CECR2: variants seen among roughly 807,000 people sequenced by gnomAD.
CECR2 encodes chromatin remodeling regulator CECR2.
CECR2 carries 30 observed loss-of-function variants against 154.5 expected under a neutral mutation model. The ratio of observed to expected loss-of-function variants is 0.19; its 90% CI spans 0.15 to 0.26. The LOEUF (loss-of-function observed/expected upper bound fraction) is 0.26. Among genes scored for constraint, CECR2 ranks in the 10% least tolerant of loss-of-function variants. CECR2 has a pLI of 1.00. For synonymous variants in CECR2, 725 were observed against 683.7 expected, an observed-to-expected ratio of 1.06 and a Z score of -0.94; for missense variants, 1,743 against 1,829.3, an observed-to-expected ratio of 0.95 and a Z score of 0.86.
chr22:17,440,777 C>G (rs1280438557), intron 1 of CECR2, among the ~76,000 whole-genome samples: 2 of 152,158 alleles, frequency 1.3e-5, no homozygotes, highest in East Asian at 3.8e-4. Flanking sequence ...CCCCTCCACT[C>G]CTTTCTCAAC....
At chr22:17,462,942 A>G (rs1265930953) in intron 1 of CECR2, among the ~76,000 whole-genome samples, 1 of 152,224 alleles carries the variant, frequency 6.6e-6, no homozygotes, top group East Asian at 1.9e-4. Context: ...CACTGTGGGC[A>G]AATACAATTT....
At chr22:17,524,443 A>C in intron 9 of CECR2, 172 bp downstream of exon 9, 1 of 697,572 alleles carries the variant, frequency 1.4e-6, no homozygotes. Context: ...CCCAGGCTGG[A>C]GTGCAGTGGC....
chr22:17,383,587 G>GAA (rs1468988125), intron 1 of CECR2, among the ~76,000 whole-genome samples: 2 of 143,874 alleles, frequency 1.4e-5, no homozygotes, highest in Non-Finnish European at 3.0e-5. Context: ...AAAAAGAAAA[G>GAA]AAAAGAAAAA....
At position 17,549,267 on chromosome 22, in the gene CECR2, C is replaced by T. The variant is rs1171958252; in HGVS notation, c.3980C>T (p.Ser1327Leu). Reference sequence around the variant, plus strand: ...TATGGAACTCCTCCGCCTCTGAGTTCAGGAATGGGATTTGGTTCATCTGCA... The same window carrying T: ...TATGGAACTCCTCCGCCTCTGAGTTTAGGAATGGGATTTGGTTCATCTGCA... ...YLYGTPPPLSSGMGFGSSAFP... is the reference protein window; with the variant it reads ...YLYGTPPPLSLGMGFGSSAFP... The change falls in exon 17 of 19, where the codon TCA becomes TTA. Residue 1327 changes from serine to leucine, a missense_variant. Around this residue, in one of 4 missense-constraint regions of CECR2, gnomAD observed 1,250 missense variants for 1,192.1 expected, o/e 1.05. Coordinates refer to ENST00000262608, the MANE Select transcript of CECR2 (RefSeq NM_001290047.2). 6.2e-7 allele frequency: 1 copy of T among 1,613,994 alleles called. No homozygotes were observed. Among genetic ancestry groups the T allele is most frequent in the Admixed American group, 1.7e-5 (1 of 60,022 alleles).
intron 9 of CECR2, among the ~76,000 whole-genome samples, chr22:17,535,729 CG>C (rs1234583934): frequency 7.2e-6 from 1 of 139,482 alleles, no homozygotes; most frequent in Non-Finnish European, 1.6e-5. Flanking sequence ...TCTTAGAAGT[CG>C]AAAAAAAAAA....
At chr22:17,412,721 T>C (rs1254368531) in intron 1 of CECR2, among the ~76,000 whole-genome samples, 1 of 152,158 alleles carries the variant, frequency 6.6e-6, no homozygotes, top group African/African-American at 2.4e-5. Flanking sequence ...GAAGCCATTC[T>C]TGAGTCTCCA....
In CECR2 at chr22:17,558,019, A is replaced by G. The variant is rs1219638698; in HGVS notation, c.*5179A>G. Reference sequence around the variant, plus strand: ...CACTGAGAGCGACACTTACCTCAATAGTTAGTTCAATATTGTGTGTTGGAT... The same window carrying G: ...CACTGAGAGCGACACTTACCTCAATGGTTAGTTCAATATTGTGTGTTGGAT... On this transcript the variant is annotated 3_prime_UTR_variant, in exon 19 of 19. Coordinates refer to ENST00000262608, the MANE Select transcript of CECR2 (RefSeq NM_001290047.2). 1.3e-5 allele frequency: 2 copies of G among 152,234 alleles called. No individual in the cohort carries two copies. Among genetic ancestry groups the G allele is most frequent in the Admixed American group, 1.3e-4 (2 of 15,282 alleles). The allele number at this position is 152,234 out of a possible 1,614,324, so 9.4% of individuals were successfully genotyped here. A position where few individuals can be genotyped will look rare whatever the true frequency, so the allele number is the denominator to read the frequency against.
At chr22:17,432,372 C>T (rs1162799696) in intron 1 of CECR2, among the ~76,000 whole-genome samples, 1 of 152,202 alleles carries the variant, frequency 6.6e-6, no homozygotes, top group African/African-American at 2.4e-5. Flanking sequence ...ATCTGTTCAT[C>T]AGTTGTTGGA....
intron 1 of CECR2, among the ~76,000 whole-genome samples, chr22:17,471,201 G>A (rs2055121112): frequency 6.6e-6 from 1 of 152,138 alleles, no homozygotes; most frequent in Non-Finnish European, 1.5e-5. Flanking sequence ...GGAACCCAGG[G>A]AACACTCACA....
rs1382134617 is a variant in CECR2 at position 17,557,985 on chromosome 22, T to G, written c.*5145T>G. The stretch of plus-strand genomic sequence containing the variant: ...GTATATTTTGTCGTGGTCTGCTGAT[T>G]CCCTGTTTCACTGAGAGCGACACTT... On this transcript the variant is annotated 3_prime_UTR_variant, in exon 19 of 19. Coordinates refer to ENST00000262608, the MANE Select transcript of CECR2 (RefSeq NM_001290047.2). The G allele has an allele frequency of 1.3e-5, 2 of 152,360 alleles. No individual in the cohort carries two copies. Among genetic ancestry groups the G allele is most frequent in the African/African-American group, 4.8e-5 (2 of 41,588 alleles). 9.4% of individuals were successfully genotyped at this position (152,360 alleles called of 1,614,324 possible).
chr22:17,402,077 A>G (rs2053902192), intron 1 of CECR2, among the ~76,000 whole-genome samples: 1 of 152,080 alleles, frequency 6.6e-6, no homozygotes, highest in Non-Finnish European at 1.5e-5. Flanking sequence ...TCCGCCTCCC[A>G]GATTCAAGTG....
At chr22:17,410,667 C>T (rs2518748) in intron 1 of CECR2, among the ~76,000 whole-genome samples, 5 of 152,018 alleles carry the variant, frequency 3.3e-5, no homozygotes, top group African/African-American at 4.8e-5. Flanking sequence ...AGGCTGGTCT[C>T]GAACTCCTGA....
At chr22:17,550,125 T>C (rs2146149238) in intron 17 of CECR2, 1 of 150,856 alleles carries the variant, frequency 6.6e-6, no homozygotes, top group East Asian at 2.0e-4. Flanking sequence ...GATTTTGATA[T>C]TGTAAACTTT....
intron 1 of CECR2, among the ~76,000 whole-genome samples, chr22:17,360,480 G>A (rs565770810): frequency 2.1e-4 from 32 of 152,014 alleles, no homozygotes; most frequent in African/African-American, 7.2e-4. Context: ...TCAGGAGTTC[G>A]AGACCAGCCT....
chr22:17,511,461 C>T (rs150920719), intron 7 of CECR2, among the ~76,000 whole-genome samples: 19 of 152,196 alleles, frequency 1.2e-4, no homozygotes, highest in East Asian at 5.8e-4. Flanking sequence ...CTCCCAGAGC[C>T]GCCCCTTCAG....
chr22:17,481,831 T>TA (rs2055325048), intron 2 of CECR2, among the ~76,000 whole-genome samples: 1 of 152,046 alleles, frequency 6.6e-6, no homozygotes, highest in Non-Finnish European at 1.5e-5. Flanking sequence ...ACCTAGCACT[T>TA]ACAGGCCAGG....
intron 1 of CECR2, among the ~76,000 whole-genome samples, chr22:17,362,348 G>A (rs963241906): frequency 3.9e-5 from 6 of 152,062 alleles, no homozygotes; most frequent in Admixed American, 2.6e-4. Flanking sequence ...CCAGCCCCAA[G>A]AATCAATAAT....
chr22:17,420,984 C>T (rs1169305466), intron 1 of CECR2, among the ~76,000 whole-genome samples: 1 of 152,170 alleles, frequency 6.6e-6, no homozygotes, highest in Non-Finnish European at 1.5e-5. Flanking sequence ...ATCCCTGTAT[C>T]GTTGCTGTCC....
At chr22:17,438,788 CTTCAGTGTGTTAT>C (rs1213505651) in intron 1 of CECR2, among the ~76,000 whole-genome samples, 1 of 152,136 alleles carries the variant, frequency 6.6e-6, no homozygotes, top group East Asian at 1.9e-4. Context: ...AGCTGAAAAA[CTTCAGTGTGTTAT>C]TTCTTATTGA....
Sources: allele counts gnomAD v4.1 joint callset (sites outside exome capture counted in the v4.1 genomes callset), GRCh38; gene constraint gnomAD v4.1.1; regional missense constraint gnomAD v4.1.1; transcripts MANE v1.5; gene names NCBI Gene and HGNC (gene_info 2026-07-23, HGNC 2026-07-21).